Variants in ACSS1 observed in about 807,000 individuals in gnomAD.
ACSS1 encodes the protein acetyl-coenzyme A synthetase 2-like, mitochondrial.
A neutral mutation model predicts 75.3 loss-of-function variants in ACSS1; 42 were observed. That is an observed-to-expected ratio of 0.56 (90% CI 0.44 to 0.72). The LOEUF (loss-of-function observed/expected upper bound fraction) is 0.72. ACSS1 is among the 30% of genes least tolerant of loss of function. The probability of loss-of-function intolerance (pLI) is 0.00; values close to 1 mark genes in which losing one functional copy is unlikely to be tolerated. For synonymous variants in ACSS1, 380 were observed against 376.8 expected (o/e 1.01, Z -0.10); for missense variants, 782 against 935.7 (o/e 0.84, Z 2.14).
rs1249806367 is a variant in ACSS1, at chr20:25,024,330, C to T, written c.632-689G>A. Among the ~76,000 whole-genome samples, 11 of 152,210 alleles carry T rather than the reference C, an allele frequency of 7.2e-5. No homozygotes were observed. In the East Asian group the frequency reaches 7.7e-4, roughly 11 times the overall value. ...GCCCAGAGCAGAGAAGAGGGGTGCACGCACAGTGGGCCTCAAGACCCCAGG... is the reference window on the plus strand; with the variant it reads ...GCCCAGAGCAGAGAAGAGGGGTGCATGCACAGTGGGCCTCAAGACCCCAGG... On this transcript the variant is annotated intron_variant, in intron 3 of 13. Transcript: ENST00000323482.
At chr20:25,015,956 C>T (rs533078961) in intron 7 of ACSS1, among the ~76,000 whole-genome samples, 1 of 152,206 alleles carries the variant, frequency 6.6e-6, no homozygotes, top group Non-Finnish European at 1.5e-5. Context: ...GACGTACACC[C>T]CACAGAAATG....
intron 1 of ACSS1, among the ~76,000 whole-genome samples, chr20:25,052,825 A>C (rs1235303854): frequency 6.6e-6 from 1 of 152,218 alleles, no homozygotes; most frequent in Admixed American, 6.5e-5. Flanking sequence ...AGGGCCTAAC[A>C]CAGCTGGACG....
chr20:25,039,838 G>C (rs568350837), intron 2 of ACSS1, among the ~76,000 whole-genome samples: 1 of 152,250 alleles, frequency 6.6e-6, no homozygotes, highest in African/African-American at 2.4e-5. Flanking sequence ...CCCAAGTCTT[G>C]TCTCTGGAAA....
rs184714035 is a variant in ACSS1 at position 25,024,421 on chromosome 20, G to A, written c.632-780C>T. On this transcript the variant is annotated intron_variant, in intron 3 of 13. Coordinates refer to ENST00000323482, the MANE Select transcript of ACSS1 (RefSeq NM_032501.4). The stretch of plus-strand genomic sequence containing the variant: ...ACCCAGAGGGATCACAGCTGCGGGG[G>A]GTTACTACACAGCCCCTCAGGAAGA... Among the ~76,000 whole-genome samples, 368 of 152,292 alleles carry A rather than the reference G, an allele frequency of 2.4e-3. 2 individuals are homozygous for A. Among genetic ancestry groups the A allele is most frequent in the African/African-American group, 8.5e-3 (354 of 41,554 alleles).
chr20:25,041,206 C>T (rs2088996450), intron 2 of ACSS1, among the ~76,000 whole-genome samples: 2 of 149,786 alleles, frequency 1.3e-5, no homozygotes, highest in South Asian at 2.1e-4. Context: ...TTCAGTGAGC[C>T]GAGATTGCGC....
intron 1 of ACSS1, among the ~76,000 whole-genome samples, chr20:25,051,398 G>A (rs2089173035): frequency 6.6e-6 from 1 of 152,180 alleles, no homozygotes; most frequent in Non-Finnish European, 1.5e-5. Flanking sequence ...CATGCCCAAG[G>A]GAGGGAGCAG....
chr20:25,043,710 G>T (rs982295388), intron 2 of ACSS1, among the ~76,000 whole-genome samples: 1 of 152,204 alleles, frequency 6.6e-6, no homozygotes. Flanking sequence ...TTCCACGGGG[G>T]AACAGCTCCC....
chr20:25,007,126 A>G lies in ACSS1; in HGVS notation c.*636T>C, dbSNP rs2088322806. 7 of 1,397,246 alleles carry G rather than the reference A, an allele frequency of 5.0e-6. No individual in the cohort carries two copies. The Admixed American group carries it at 1.2e-4, about 24-fold the overall frequency. 86.6% of individuals were successfully genotyped at this position (1,397,246 alleles called of 1,614,324 possible). A position where few individuals can be genotyped will look rare whatever the true frequency, so the allele number is the denominator to read the frequency against. ...AGATGCCGGAGGCTTGGAAGTTCTC[A>G]AGGGAACTGTTTAGACAGAGGTACA... On this transcript the variant is annotated 3_prime_UTR_variant, in exon 14 of 14. Coordinates refer to ENST00000323482, the MANE Select transcript of ACSS1 (RefSeq NM_032501.4).
chr20:25,057,737 G>T (rs1463331168), intron 1 of ACSS1, 32 bp downstream of exon 1: 2 of 1,524,304 alleles, frequency 1.3e-6, no homozygotes, highest in Non-Finnish European at 8.9e-7. Flanking sequence ...CCAAGAGTTG[G>T]GGGCGTCCTG....
intron 9 of ACSS1, 91 bp downstream of exon 9, chr20:25,013,870 G>C: frequency 7.0e-7 from 1 of 1,419,696 alleles, no homozygotes; most frequent in Non-Finnish European, 9.8e-7. Flanking sequence ...GCCAGGTACA[G>C]ACCTGGGCAC....
In ACSS1 at chr20:25,006,833, G is replaced by A. The variant is rs955986113; in HGVS notation, c.*929C>T. On this transcript the variant is annotated 3_prime_UTR_variant, in exon 14 of 14. Transcript: ENST00000323482. Reference sequence around the variant, plus strand: ...AACCACAGAGTGAAGGTCAGGCAGCGTTTGCCAGGATTTGGCTCTGACCAA... The same window carrying A: ...AACCACAGAGTGAAGGTCAGGCAGCATTTGCCAGGATTTGGCTCTGACCAA... The A allele has an allele frequency of 3.1e-5, 48 of 1,535,302 alleles. No homozygotes were observed. Among genetic ancestry groups the A allele is most frequent in the Non-Finnish European group, 3.7e-5 (43 of 1,146,690 alleles).
chr20:25,007,345 A>G lies in ACSS1; in HGVS notation c.*417T>C. 7.5e-6 allele frequency: 8 copies of G among 1,072,794 alleles called. No individual in the cohort carries two copies. The highest frequency in any genetic ancestry group is 9.0e-6 in the Non-Finnish European group (8 of 885,080). 66.5% of individuals were successfully genotyped at this position (1,072,794 alleles called of 1,614,324 possible). A position where few individuals can be genotyped will look rare whatever the true frequency, so the allele number is the denominator to read the frequency against. On this transcript the variant is annotated 3_prime_UTR_variant, in exon 14 of 14. Transcript: ENST00000323482. ...TCTTCCACAATATAAAAGTATAAAAATAAGATTTCTGACCTTTGTATCTAG... is the reference window on the plus strand; with the variant it reads ...TCTTCCACAATATAAAAGTATAAAAGTAAGATTTCTGACCTTTGTATCTAG...
chr20:25,056,271 T>C (rs1445134142), intron 1 of ACSS1, among the ~76,000 whole-genome samples: 3 of 152,206 alleles, frequency 2.0e-5, no homozygotes, highest in African/African-American at 7.2e-5. Context: ...TTTCCACCTC[T>C]GTCCTTGGGC....
intron 6 of ACSS1, among the ~76,000 whole-genome samples, chr20:25,021,029 G>A (rs1700050577): frequency 1.3e-5 from 2 of 152,268 alleles, no homozygotes; most frequent in Non-Finnish European, 2.9e-5. Flanking sequence ...GGACACAGAA[G>A]TGGCGGGCAG....
chr20:25,038,585 G>A (rs2122716148), intron 2 of ACSS1, among the ~76,000 whole-genome samples: 1 of 152,338 alleles, frequency 6.6e-6, no homozygotes, highest in East Asian at 1.9e-4. Flanking sequence ...CCTTATGGAA[G>A]CTGCAGTCTC....
intron 1 of ACSS1, among the ~76,000 whole-genome samples, chr20:25,048,823 G>A (rs371050648): frequency 1.6e-4 from 24 of 152,180 alleles, no homozygotes; most frequent in African/African-American, 5.5e-4. Flanking sequence ...ATGACCCTCC[G>A]GCAGAAACAG....
intron 7 of ACSS1, 122 bp downstream of exon 7, chr20:25,019,888 A>G (rs2088587617): frequency 6.4e-6 from 9 of 1,413,126 alleles, no homozygotes; most frequent in Admixed American, 5.9e-5. Context: ...CCGGTCTGGC[A>G]TTGCGTGAAT....
chr20:25,009,156 T>A, intron 13 of ACSS1, 114 bp downstream of exon 13: 2 of 943,638 alleles, frequency 2.1e-6, no homozygotes, highest in Non-Finnish European at 1.7e-6. Flanking sequence ...AAACAGCTAG[T>A]GTCCGTTTTG....
chr20:25,022,654 A>G (rs1053107932), intron 5 of ACSS1, among the ~76,000 whole-genome samples: 3 of 152,244 alleles, frequency 2.0e-5, no homozygotes, highest in Non-Finnish European at 4.4e-5. Flanking sequence ...TCTGTTCTAA[A>G]AAGAGTTTTT....
Sources: allele counts gnomAD v4.1 joint callset (sites outside exome capture counted in the v4.1 genomes callset), GRCh38; gene constraint gnomAD v4.1.1; transcripts MANE v1.5; gene names NCBI Gene and HGNC (gene_info 2026-07-23, HGNC 2026-07-21).